ZFHX3: variants seen among roughly 807,000 people sequenced by gnomAD.
The protein encoded by ZFHX3 is zinc finger homeobox 3, also known as zinc finger homeobox protein 3.
In ZFHX3, 42 loss-of-function variants were observed where a neutral mutation model predicts 279.1. The ratio of observed to expected loss-of-function variants is 0.15; its 90% confidence interval spans 0.12 to 0.19. The LOEUF is 0.19. Ranked by LOEUF, ZFHX3 falls within the 10% of genes least tolerant of loss-of-function variation. ZFHX3 has a pLI of 1.00. For missense variants in ZFHX3, 4,981 were observed against 4,754.0 expected (o/e 1.05, Z -1.40); for synonymous variants, 2,293 against 1,957.8 (o/e 1.17, Z -4.52).
At chr16:72,998,800 A>C (rs1963386253) in intron 1 of ZFHX3, among the ~76,000 whole-genome samples, 2 of 152,242 alleles carry the variant, frequency 1.3e-5, no homozygotes, top group South Asian at 4.1e-4. Flanking sequence ...TTTGGGTGAC[A>C]TGTCAAGAAG....
chr16:73,737,271 G>A (rs965967032), intron 1 of ZFHX3, among the ~76,000 whole-genome samples: 4 of 152,026 alleles, frequency 2.6e-5, no homozygotes, highest in Non-Finnish European at 5.9e-5. Context: ...TCCTGGGCTC[G>A]AGCAATCTTC....
At chr16:73,688,800 C>T (rs115038599) in intron 1 of ZFHX3, among the ~76,000 whole-genome samples, 186 of 152,196 alleles carry the variant, frequency 1.2e-3, no homozygotes, top group African/African-American at 4.2e-3. Context: ...GGGGGCGGGT[C>T]GTTCCCATGC....
intron 1 of ZFHX3, among the ~76,000 whole-genome samples, chr16:73,770,504 G>A (rs1376872477): frequency 6.6e-6 from 1 of 152,192 alleles, no homozygotes; most frequent in Non-Finnish European, 1.5e-5. Context: ...ACATTTCTAG[G>A]ATGGTCAGTT....
chr16:73,581,272 C>T (rs971340106), intron 2 of ZFHX3, among the ~76,000 whole-genome samples: 1 of 151,770 alleles, frequency 6.6e-6, no homozygotes, highest in Non-Finnish European at 1.5e-5. Flanking sequence ...AAGAATGGTT[C>T]ACCTTTGTTT....
At chr16:73,517,392 A>G (rs1167368631) in intron 2 of ZFHX3, among the ~76,000 whole-genome samples, 1 of 152,190 alleles carries the variant, frequency 6.6e-6, no homozygotes, top group Non-Finnish European at 1.5e-5. Flanking sequence ...TACAAAATTC[A>G]TGGATGAATA....
chr16:73,349,446 T>C (rs772753417), intron 3 of ZFHX3, among the ~76,000 whole-genome samples: 9 of 148,980 alleles, frequency 6.0e-5, no homozygotes, highest in Non-Finnish European at 1.0e-4. Context: ...TTAGTAGCAG[T>C]TGTGTGAATA....
chr16:73,093,027 C>G (rs373981902), intron 8 of ZFHX3: 5 of 519,986 alleles, frequency 9.6e-6, no homozygotes, highest in Admixed American at 7.8e-5. Context: ...TTGTTTTCTT[C>G]CATCCTTTCA....
At chr16:73,741,787 G>C (rs1200519602) in intron 1 of ZFHX3, among the ~76,000 whole-genome samples, 7 of 152,150 alleles carry the variant, frequency 4.6e-5, no homozygotes, top group African/African-American at 1.7e-4. Flanking sequence ...TTGGAAACTA[G>C]GAGGGAGAGG....
chr16:72,824,784 A>C (rs1475262006), intron 5 of ZFHX3, among the ~76,000 whole-genome samples: 1 of 152,238 alleles, frequency 6.6e-6, no homozygotes, highest in African/African-American at 2.4e-5. Context: ...TTAATTGGAT[A>C]ATCACTGCAT....
In ZFHX3 at chr16:72,786,729, G is replaced by C. The variant is rs1424006848; in HGVS notation, c.*435C>G. 2 of 152,428 alleles carry C rather than the reference G, an allele frequency of 1.3e-5. No homozygotes were observed. Among genetic ancestry groups the C allele is most frequent in the East Asian group, 1.9e-4 (1 of 5,186 alleles). 9.4% of individuals were successfully genotyped at this position (152,428 alleles called of 1,614,324 possible). ...CCATTGGTATCTGAATGCTAAGATA[G>C]CAAGAAATTTAAAACTGTAACAAGG... On this transcript the variant is annotated 3_prime_UTR_variant, in exon 10 of 10. Coordinates refer to ENST00000268489, the MANE Select transcript of ZFHX3 (RefSeq NM_006885.4).
At chr16:72,998,561 G>C (rs942014773) in intron 1 of ZFHX3, among the ~76,000 whole-genome samples, 1 of 152,192 alleles carries the variant, frequency 6.6e-6, no homozygotes, top group Non-Finnish European at 1.5e-5. Context: ...GGGAAAACTG[G>C]TATGTGTTCC....
At chr16:73,683,624 C>G (rs1345255147) in intron 1 of ZFHX3, among the ~76,000 whole-genome samples, 1 of 150,556 alleles carries the variant, frequency 6.6e-6, no homozygotes, top group African/African-American at 2.4e-5. Context: ...TCACTGCAAC[C>G]TCTGCCTCCT....
intron 8 of ZFHX3, among the ~76,000 whole-genome samples, chr16:73,080,432 C>T (rs1178560566): frequency 2.0e-5 from 3 of 152,170 alleles, no homozygotes; most frequent in Admixed American, 1.3e-4. Flanking sequence ...GCCACCTAGT[C>T]TATGATATTT....
intron 3 of ZFHX3, among the ~76,000 whole-genome samples, chr16:73,381,720 G>C (rs1011946617): frequency 5.3e-5 from 8 of 151,904 alleles, no homozygotes; most frequent in Admixed American, 4.6e-4. Context: ...AATTGTCTTG[G>C]GCCACACAAA....
chr16:73,486,291 A>C (rs1169129650), intron 2 of ZFHX3, among the ~76,000 whole-genome samples: 1 of 152,238 alleles, frequency 6.6e-6, no homozygotes, highest in African/African-American at 2.4e-5. Context: ...CCAAGTAACC[A>C]GTGGAAACCT....
In ZFHX3 at chr16:73,573,235, G is replaced by T. The variant is rs145904666; in HGVS notation, c.-1547+106945C>A. Among the ~76,000 whole-genome samples the T allele has an allele frequency of 9.8e-4, 149 of 152,268 alleles. 1 individual carries two copies. The highest frequency in any genetic ancestry group is 3.4e-3 in the African/African-American group (140 of 41,546). On this transcript the variant is annotated intron_variant, in intron 2 of 17. Transcript: ENST00000641206. ...GCCTCACTCCCATGCTTTCACTCGTGCTCTGACACAGAAGACCCTCACCAC... is the reference window on the plus strand; with the variant it reads ...GCCTCACTCCCATGCTTTCACTCGTTCTCTGACACAGAAGACCCTCACCAC...
chr16:73,694,845 A>G (rs1226396492), intron 1 of ZFHX3, among the ~76,000 whole-genome samples: 2 of 152,252 alleles, frequency 1.3e-5, no homozygotes, highest in African/African-American at 2.4e-5. Flanking sequence ...TCCAAAATAC[A>G]AAGTCAACCT....
At chr16:73,550,615 G>C (rs1232512238) in intron 2 of ZFHX3, among the ~76,000 whole-genome samples, 1 of 152,234 alleles carries the variant, frequency 6.6e-6, no homozygotes, top group Admixed American at 6.5e-5. Context: ...AATTGTGGAT[G>C]AAGTGGTCTG....
At chr16:73,101,644 C>A (rs1056010258) in intron 7 of ZFHX3, among the ~76,000 whole-genome samples, 1 of 152,002 alleles carries the variant, frequency 6.6e-6, no homozygotes, top group Non-Finnish European at 1.5e-5. Context: ...TCAAGTGATC[C>A]GCTCACGTCA....
Sources: allele counts gnomAD v4.1 joint callset (sites outside exome capture counted in the v4.1 genomes callset), GRCh38; gene constraint gnomAD v4.1.1; transcripts MANE v1.5; gene names NCBI Gene and HGNC (gene_info 2026-07-23, HGNC 2026-07-21).